The following PCLO variants were observed in gnomAD, a reference collection of about 807,000 sequenced individuals.
PCLO encodes protein piccolo.
Under a neutral mutation model 427.5 loss-of-function variants are expected in PCLO, and 82 were observed. That is an observed-to-expected ratio of 0.19 (90% confidence interval 0.16 to 0.23). PCLO has a LOEUF of 0.23. Ranked by LOEUF, PCLO falls within the 10% of genes least tolerant of loss-of-function variation. The pLI, the probability that PCLO is intolerant of heterozygous loss-of-function variation, is 1.00. For missense variants in PCLO, 6,239 were observed against 6,115.9 expected (o/e 1.02, Z -0.67); for synonymous variants, 2,357 against 2,155.4 (o/e 1.09, Z -2.59).
intron 9 of PCLO, among the ~76,000 whole-genome samples, chr7:82,889,081 C>T (rs919222712): frequency 6.6e-6 from 1 of 151,932 alleles, no homozygotes; most frequent in Non-Finnish European, 1.5e-5. Flanking sequence ...CCAAACAAGT[C>T]TTCCTGTAGG....
chr7:82,883,025 A>G (rs141375121), intron 9 of PCLO, among the ~76,000 whole-genome samples: 4 of 152,140 alleles, frequency 2.6e-5, no homozygotes, highest in African/African-American at 9.6e-5. Context: ...ATACTTGTTT[A>G]ATTTCAATAC....
intron 22 of PCLO, among the ~76,000 whole-genome samples, chr7:82,789,323 G>T (rs1213640858): frequency 1.3e-5 from 2 of 152,126 alleles, no homozygotes; most frequent in Non-Finnish European, 2.9e-5. Flanking sequence ...TTCTTAAATC[G>T]AAGAAGCATC....
At chr7:83,070,770 C>A (rs912664905) in intron 3 of PCLO, among the ~76,000 whole-genome samples, 6 of 152,132 alleles carry the variant, frequency 3.9e-5, no homozygotes, top group Non-Finnish European at 7.3e-5. Context: ...AGAAACTGAT[C>A]CAAATAAATG....
At chr7:83,037,668 G>A (rs1389208547) in intron 3 of PCLO, among the ~76,000 whole-genome samples, 2 of 151,204 alleles carry the variant, frequency 1.3e-5, no homozygotes, top group South Asian at 2.1e-4. Context: ...AAGAAGAAGA[G>A]GCATATCCTG....
At position 82,950,694 on chromosome 7, in the gene PCLO, C is replaced by A. The variant is rs1207720311; in HGVS notation, c.9894G>T (p.Gln3298His). The change falls in exon 6 of 25, where the codon CAG becomes CAT. Residue 3298 changes from glutamine to histidine, a missense_variant. Transcript: ENST00000333891. Reference protein sequence around the residue: ...QQQLQLEQIQQLQQQLHQQLE... With the variant: ...QQQLQLEQIQHLQQQLHQQLE... Reference sequence around the variant, plus strand: ...GCTGCTGGTGAAGCTGTTGTTGCAGCTGTTGGATCTGCTCAAGCTGTAACT... The same window carrying A: ...GCTGCTGGTGAAGCTGTTGTTGCAGATGTTGGATCTGCTCAAGCTGTAACT... The A allele has an allele frequency of 1.2e-6, 2 of 1,613,862 alleles. No homozygotes were observed. Among genetic ancestry groups the A allele is most frequent in the South Asian group, 2.2e-5 (2 of 91,084 alleles).
At chr7:83,102,510 A>T (rs1320261055) in intron 3 of PCLO, among the ~76,000 whole-genome samples, 1 of 151,964 alleles carries the variant, frequency 6.6e-6, no homozygotes, top group Non-Finnish European at 1.5e-5. Context: ...AAAAATACAG[A>T]CTTCGGAATT....
chr7:83,092,383 C>G (rs1177248547), intron 3 of PCLO, among the ~76,000 whole-genome samples: 1 of 119,892 alleles, frequency 8.3e-6, no homozygotes, highest in Non-Finnish European at 1.8e-5. Flanking sequence ...AGAGTGAAGA[C>G]CCATGGACCC....
At chr7:83,130,632 T>G (rs1235630208) in intron 3 of PCLO, among the ~76,000 whole-genome samples, 1 of 152,152 alleles carries the variant, frequency 6.6e-6, no homozygotes. Flanking sequence ...TTTTAATGTA[T>G]TAAGTAATGG....
intron 9 of PCLO, among the ~76,000 whole-genome samples, chr7:82,884,783 G>C (rs1270344925): frequency 6.6e-6 from 1 of 151,938 alleles, no homozygotes; most frequent in Non-Finnish European, 1.5e-5. Context: ...CGTGGGGTGA[G>C]GTCATTCACT....
chr7:83,098,277 C>T (rs751467104), intron 3 of PCLO, among the ~76,000 whole-genome samples: 1 of 149,282 alleles, frequency 6.7e-6, no homozygotes, highest in African/African-American at 2.5e-5. Flanking sequence ...GCTCTACTTA[C>T]AGTAAACATT....
At chr7:83,113,704 T>C (rs1264027982) in intron 3 of PCLO, among the ~76,000 whole-genome samples, 1 of 152,136 alleles carries the variant, frequency 6.6e-6, no homozygotes, top group Non-Finnish European at 1.5e-5. Flanking sequence ...AGAACTTGCA[T>C]TCTAGTGAGG....
chr7:83,054,837 C>T (rs751147738), intron 3 of PCLO, among the ~76,000 whole-genome samples: 4 of 152,048 alleles, frequency 2.6e-5, no homozygotes, highest in Non-Finnish European at 5.9e-5. Flanking sequence ...TGAGCAACTT[C>T]ACAGGTAGAT....
At chr7:82,796,455 T>C (rs1169494107) in intron 22 of PCLO, among the ~76,000 whole-genome samples, 1 of 152,084 alleles carries the variant, frequency 6.6e-6, no homozygotes, top group Admixed American at 6.5e-5. Flanking sequence ...ATGTTCCTCA[T>C]GGTGTTCTTC....
chr7:82,892,504 G>A (rs1793794029), intron 9 of PCLO, among the ~76,000 whole-genome samples: 1 of 152,084 alleles, frequency 6.6e-6, no homozygotes, highest in African/African-American at 2.4e-5. Context: ...TACCATTCAG[G>A]ACATAGGCAT....
At chr7:82,924,747 G>T (rs887865955) in intron 6 of PCLO, among the ~76,000 whole-genome samples, 1 of 151,854 alleles carries the variant, frequency 6.6e-6, no homozygotes, top group African/African-American at 2.4e-5. Flanking sequence ...AGGAGATCAG[G>T]TGCATAGCTA....
chr7:82,978,857 AACACACACACACAC>A lies in PCLO; in HGVS notation c.3301-12384_3301-12371del, dbSNP rs66871387. Reference sequence around the variant, plus strand: ...AGAAACACACACACACACACACACAAACACACACACACACACACACACACACACACACACACACT... The same window carrying A: ...AGAAACACACACACACACACACACAAACACACACACACACACACACACACT... On this transcript the variant is annotated intron_variant, in intron 3 of 24. Transcript: ENST00000333891. Among the ~76,000 whole-genome samples, 87 of 138,682 alleles carry A rather than the reference AACACACACACACAC, an allele frequency of 6.3e-4. 1 individual carries two copies. Among genetic ancestry groups the A allele is most frequent in the Non-Finnish European group, 1.5e-4 (10 of 64,520 alleles). 91.0% of individuals were successfully genotyped at this position (138,682 alleles called of 152,430 possible).
chr7:82,826,450 A>G, intron 18 of PCLO, 139 bp downstream of exon 18: 1 of 545,880 alleles, frequency 1.8e-6, no homozygotes, highest in Non-Finnish European at 3.3e-6. Flanking sequence ...CAAATAGTAA[A>G]TCAGGAAATA....
At chr7:82,920,294 G>T (rs1306043406) in intron 6 of PCLO, among the ~76,000 whole-genome samples, 2 of 151,642 alleles carry the variant, frequency 1.3e-5, no homozygotes, top group Non-Finnish European at 3.0e-5. Flanking sequence ...GATGTAGCTG[G>T]AAGCCATGAC....
At chr7:83,033,980 T>A (rs1192450359) in intron 3 of PCLO, among the ~76,000 whole-genome samples, 1 of 152,172 alleles carries the variant, frequency 6.6e-6, no homozygotes, top group Non-Finnish European at 1.5e-5. Context: ...TTTCTTGTCT[T>A]CAGTGCGTAA....
Sources: gnomAD v4.1 joint callset for allele counts (sites outside exome capture counted in the v4.1 genomes callset) on GRCh38, gnomAD v4.1.1 for gene constraint, MANE v1.5 for transcripts, NCBI Gene and HGNC (gene_info 2026-07-23, HGNC 2026-07-21) for gene names.